Variants in GSK3B observed in about 807,000 individuals in gnomAD.
The protein encoded by GSK3B is glycogen synthase kinase 3 beta.
A neutral mutation model predicts 56.4 loss-of-function variants in GSK3B; 15 were observed. The ratio of observed to expected loss-of-function variants is 0.27; its 90% CI spans 0.18 to 0.41. GSK3B has a LOEUF of 0.41. Among genes scored for constraint, GSK3B ranks in the 10% least tolerant of loss-of-function variants. The pLI is 1.00. For synonymous variants in GSK3B, 181 were observed against 188.9 expected (o/e 0.96, Z 0.34); for missense variants, 300 against 513.4 (o/e 0.58, Z 4.02).
rs879588325 is a variant in GSK3B, at chr3:120,023,209, TA to T, written c.89-20971del. Among the ~76,000 whole-genome samples the T allele has an allele frequency of 4.9e-3, 695 of 142,202 alleles. 3 individuals are homozygous for T. Among genetic ancestry groups the T allele is most frequent in the African/African-American group, 8.0e-3 (314 of 39,032 alleles). 93.3% of individuals were successfully genotyped at this position (142,202 alleles called of 152,430 possible). On this transcript the variant is annotated intron_variant, in intron 1 of 10. Coordinates refer to ENST00000264235, the MANE Select transcript of GSK3B (RefSeq NM_001146156.2). The stretch of plus-strand genomic sequence containing the variant: ...CAGAAGCATTGAACACATACTCATT[TA>T]AAAAAAAAAAAAATCAGTGGAAACT...
At chr3:120,083,099 T>C (rs1190749759) in intron 1 of GSK3B, among the ~76,000 whole-genome samples, 7 of 152,026 alleles carry the variant, frequency 4.6e-5, no homozygotes, top group African/African-American at 1.5e-4. Flanking sequence ...GGTGAGGGTA[T>C]CTGCCCAAAA....
At chr3:119,920,563 A>G (rs1372712638) in intron 4 of GSK3B, among the ~76,000 whole-genome samples, 1 of 152,150 alleles carries the variant, frequency 6.6e-6, no homozygotes, top group Non-Finnish European at 1.5e-5. Context: ...TTTAGAACAG[A>G]GAAATTTGAT....
chr3:120,093,501 G>T lies in GSK3B; in HGVS notation c.-67C>A. ...TTTCTTCCTTTTGTCTTTATGTTGG[G>T]GTGTTAGGTTAACGATAAATGCAGC... is the stretch of plus-strand genomic sequence containing the variant. On this transcript the variant is annotated 5_prime_UTR_variant, in exon 1 of 11. Transcript: ENST00000264235. The T allele has an allele frequency of 9.8e-7, 1 of 1,020,698 alleles. No homozygotes were observed. 63.2% of individuals were successfully genotyped at this position (1,020,698 alleles called of 1,614,324 possible).
chr3:119,903,232 C>A (rs2056642939), intron 7 of GSK3B, among the ~76,000 whole-genome samples: 1 of 152,146 alleles, frequency 6.6e-6, no homozygotes, highest in Admixed American at 6.5e-5. Flanking sequence ...CAGCCACGGT[C>A]AAGAACATAG....
intron 1 of GSK3B, among the ~76,000 whole-genome samples, chr3:120,053,842 G>A (rs929770767): frequency 2.6e-5 from 4 of 152,148 alleles, no homozygotes; most frequent in South Asian, 2.1e-4. Context: ...CATGTAAGCC[G>A]TGACTTGCTC....
chr3:120,018,303 G>A (rs557163358), intron 1 of GSK3B, among the ~76,000 whole-genome samples: 1 of 152,186 alleles, frequency 6.6e-6, no homozygotes, highest in African/African-American at 2.4e-5. Context: ...TAAAAGTACA[G>A]TATTCACAGG....
intron 1 of GSK3B, among the ~76,000 whole-genome samples, chr3:120,009,776 C>T (rs780518765): frequency 1.1e-4 from 16 of 151,812 alleles, no homozygotes; most frequent in Non-Finnish European, 5.9e-5. Context: ...CACCATGGCA[C>T]ATGTATACCT....
chr3:119,931,260 T>C (rs541831573), intron 3 of GSK3B, among the ~76,000 whole-genome samples: 4 of 152,354 alleles, frequency 2.6e-5, no homozygotes, highest in African/African-American at 9.6e-5. Flanking sequence ...ATTTCCTTAA[T>C]GTAATCTATC....
At chr3:120,073,232 A>T (rs900584306) in intron 1 of GSK3B, among the ~76,000 whole-genome samples, 1 of 146,360 alleles carries the variant, frequency 6.8e-6, no homozygotes, top group Non-Finnish European at 1.5e-5. Context: ...AAAAAAAAAA[A>T]AAAAAAAAAA....
intron 2 of GSK3B, among the ~76,000 whole-genome samples, chr3:119,969,196 C>T (rs971631520): frequency 6.6e-6 from 1 of 151,456 alleles, no homozygotes; most frequent in African/African-American, 2.4e-5. Context: ...GGAGACTGAG[C>T]CAGGAGAATT....
intron 9 of GSK3B, among the ~76,000 whole-genome samples, chr3:119,848,575 C>T (rs535493862): frequency 2.0e-5 from 3 of 152,110 alleles, no homozygotes; most frequent in Admixed American, 6.6e-5. Flanking sequence ...ACACCAAACT[C>T]GCAAGCAGTC....
intron 1 of GSK3B, among the ~76,000 whole-genome samples, chr3:120,069,941 G>A (rs1442046490): frequency 1.3e-5 from 2 of 152,150 alleles, no homozygotes; most frequent in Non-Finnish European, 2.9e-5. Context: ...AAGGCCAGGC[G>A]CGGTGGCTCA....
intron 8 of GSK3B, among the ~76,000 whole-genome samples, chr3:119,875,371 G>A (rs143116160): frequency 2.7e-4 from 41 of 151,920 alleles, no homozygotes; most frequent in African/African-American, 8.7e-4. Flanking sequence ...ACTTCACCTC[G>A]AATTATAAAA....
At chr3:120,049,906 C>G (rs2058134116) in intron 1 of GSK3B, among the ~76,000 whole-genome samples, 2 of 152,258 alleles carry the variant, frequency 1.3e-5, no homozygotes, top group South Asian at 2.1e-4. Context: ...AACTAATGAG[C>G]AAGGCAGCTG....
At chr3:119,975,896 C>G (rs955606651) in intron 2 of GSK3B, among the ~76,000 whole-genome samples, 2 of 152,182 alleles carry the variant, frequency 1.3e-5, no homozygotes, top group African/African-American at 4.8e-5. Context: ...TTTCCACTCA[C>G]TTTTCTGTAA....
intron 1 of GSK3B, among the ~76,000 whole-genome samples, chr3:120,057,226 A>G (rs1360452304): frequency 6.6e-6 from 1 of 152,262 alleles, no homozygotes; most frequent in Non-Finnish European, 1.5e-5. Flanking sequence ...TGGTTAAATC[A>G]ACAATTTTTT....
rs1170728078 is a variant in GSK3B, at chr3:119,943,592, G to A, written c.366+3676C>T. Among the ~76,000 whole-genome samples, 3 of 151,894 alleles carry A rather than the reference G, an allele frequency of 2.0e-5. 1 individual carries two copies. Among genetic ancestry groups the A allele is most frequent in the African/African-American group, 7.2e-5 (3 of 41,392 alleles). ...GGGAGTAATAGAGGCCCAGAGAGAA[G>A]AGACACTAAGAGAGACAACGAAGAA... On this transcript the variant is annotated intron_variant, in intron 3 of 10. Coordinates refer to ENST00000264235, the MANE Select transcript of GSK3B (RefSeq NM_001146156.2).
intron 6 of GSK3B, among the ~76,000 whole-genome samples, chr3:119,912,149 C>A (rs78591810): frequency 6.6e-6 from 1 of 151,948 alleles, no homozygotes; most frequent in Non-Finnish European, 1.5e-5. Context: ...ATTAATTGGC[C>A]TAATTTCAAT....
chr3:120,038,896 A>G (rs1254102564), intron 1 of GSK3B, among the ~76,000 whole-genome samples: 1 of 152,134 alleles, frequency 6.6e-6, no homozygotes, highest in African/African-American at 2.4e-5. Flanking sequence ...ACTATGAAAC[A>G]GGATGAAAAG....
Sources: allele counts gnomAD v4.1 joint callset (sites outside exome capture counted in the v4.1 genomes callset), GRCh38; gene constraint gnomAD v4.1.1; transcripts MANE v1.5; gene names NCBI Gene and HGNC (gene_info 2026-07-23, HGNC 2026-07-21).